Variants in SYNJ1 observed in about 807,000 individuals in gnomAD.
The protein encoded by SYNJ1 is synaptojanin 1.
In SYNJ1, 78 loss-of-function variants were observed where a neutral mutation model predicts 168.2. The observed-to-expected ratio is 0.46, with a 90% CI of 0.39 to 0.56. SYNJ1 has a LOEUF of 0.56. Among genes scored for constraint, SYNJ1 ranks in the 20% least tolerant of loss-of-function variants. The probability of loss-of-function intolerance (pLI) is 0.00; values close to 1 mark genes in which losing one functional copy is unlikely to be tolerated. For missense variants in SYNJ1, 1,303 were observed against 1,597.6 expected (o/e 0.82, Z 3.14); for synonymous variants, 539 against 548.6 (o/e 0.98, Z 0.24).
chr21:32,645,052 A>C, intron 25 of SYNJ1, 46 bp from the exon 26 acceptor site: 1 of 1,568,566 alleles, frequency 6.4e-7, no homozygotes, highest in South Asian at 1.2e-5. Context: ...AATGACATTA[A>C]ATACAGAAGT....
chr21:32,713,070 A>G (rs1457500083), intron 2 of SYNJ1, among the ~76,000 whole-genome samples: 3 of 152,270 alleles, frequency 2.0e-5, no homozygotes, highest in Non-Finnish European at 2.9e-5. Context: ...CATAAAATGG[A>G]CTACACTGCA....
chr21:32,633,743 G>A (rs974627630), intron 32 of SYNJ1, among the ~76,000 whole-genome samples: 1 of 152,184 alleles, frequency 6.6e-6, no homozygotes, highest in Non-Finnish European at 1.5e-5. Flanking sequence ...AAAAGGAAAT[G>A]GATGACTTAA....
At chr21:32,636,229 T>C (rs1253889363) in intron 31 of SYNJ1, among the ~76,000 whole-genome samples, 1 of 152,182 alleles carries the variant, frequency 6.6e-6, no homozygotes, top group East Asian at 1.9e-4. Context: ...TTACTTCCAG[T>C]TGCATTTCCT....
rs1337264225 is a variant in SYNJ1, at chr21:32,642,015, A to G, written c.3518-49T>C. The G allele has an allele frequency of 2.5e-6, 4 of 1,612,914 alleles. No individual in the cohort carries two copies. The South Asian group carries it at 4.4e-5, about 18-fold the overall frequency. On this transcript the variant is annotated intron_variant, in intron 28 of 32. Coordinates refer to ENST00000674351, the MANE Select transcript of SYNJ1 (RefSeq NM_203446.3). Reference sequence around the variant, plus strand: ...ATATTTAAGTTTAAAAAAATAAACAAGAAACCATGTACTTATATTCCAAGT... The same window carrying G: ...ATATTTAAGTTTAAAAAAATAAACAGGAAACCATGTACTTATATTCCAAGT...
At chr21:32,718,475 A>G (rs2043102732) in intron 2 of SYNJ1, among the ~76,000 whole-genome samples, 1 of 152,212 alleles carries the variant, frequency 6.6e-6, no homozygotes, top group Non-Finnish European at 1.5e-5. Context: ...GTATTTATAA[A>G]AAGAAAATGA....
chr21:32,682,697 C>G (rs928710413), intron 10 of SYNJ1, among the ~76,000 whole-genome samples: 10 of 152,040 alleles, frequency 6.6e-5, no homozygotes, highest in Admixed American at 5.9e-4. Context: ...AATTGCTATC[C>G]TAGGGAGTTT....
chr21:32,699,883 G>T lies in SYNJ1; in HGVS notation c.434C>A (p.Ala145Glu). Residue 145 changes from alanine (A) to glutamate (E), a missense_variant, in exon 4 of 33, where the codon GCG becomes GAG. By Grantham distance (107) the Ala-to-Glu change is moderately radical. Transcript: ENST00000674351. ...SGISLDLSLNAHRSMQEQTTD... is the reference protein window; with the variant it reads ...SGISLDLSLNEHRSMQEQTTD... ...TGTCTGTTCTTGCATGCTACGATGC[G>T]CATTAAGACTCAAATCTAAACTGAT... 6.2e-7 allele frequency: 1 copy of T among 1,614,060 alleles called. No individual in the cohort carries two copies. Among genetic ancestry groups the T allele is most frequent in the South Asian group, 1.1e-5 (1 of 91,078 alleles).
intron 22 of SYNJ1, among the ~76,000 whole-genome samples, chr21:32,652,362 G>A (rs1188952438): frequency 6.6e-6 from 1 of 152,032 alleles, no homozygotes; most frequent in Non-Finnish European, 1.5e-5. Context: ...CACCACGCCT[G>A]GCTACTTCTT....
Position 32,646,457 on chromosome 21 carries a change from T to C in SYNJ1, c.3183A>G (p.Val1061=). Residue 1061 remains valine, a synonymous_variant, in exon 24 of 33, where the codon GTA becomes GTG. Coordinates refer to ENST00000674351, the MANE Select transcript of SYNJ1 (RefSeq NM_203446.3). ...GGCTTGGTCTGATGGGAAGGGAAGG[T>C]ACAGGACCCTCTGATATTGTAGGTG... The part of the protein sequence containing the change: ...CQSPTISEGP[V]PSLPIRPSRA... The C allele has an allele frequency of 6.2e-7, 1 of 1,614,100 alleles. No homozygotes were observed. The highest frequency in any genetic ancestry group is 8.5e-7 in the Non-Finnish European group (1 of 1,180,022).
At chr21:32,697,536 T>C (rs1265256734) in intron 4 of SYNJ1, among the ~76,000 whole-genome samples, 2 of 150,096 alleles carry the variant, frequency 1.3e-5, no homozygotes, top group African/African-American at 4.9e-5. Flanking sequence ...CGGTGGCTCA[T>C]GCCTATAATC....
At chr21:32,663,585 C>A (rs1399000063) in intron 18 of SYNJ1, among the ~76,000 whole-genome samples, 2 of 152,124 alleles carry the variant, frequency 1.3e-5, no homozygotes, top group East Asian at 1.9e-4. Flanking sequence ...CAGGCAAACT[C>A]CTGGGTTTCC....
intron 6 of SYNJ1, among the ~76,000 whole-genome samples, chr21:32,691,628 ATAAG>A (rs1205548113): frequency 2.6e-5 from 4 of 152,256 alleles, no homozygotes; most frequent in African/African-American, 9.6e-5. Context: ...AAAGGAAATC[ATAAG>A]TAAGTTGCCA....
At chr21:32,681,364 G>T in intron 11 of SYNJ1, 132 bp downstream of exon 11, 2 of 1,030,012 alleles carry the variant, frequency 1.9e-6, no homozygotes, top group Non-Finnish European at 2.7e-6. Flanking sequence ...AGGCATAAAA[G>T]CACATTAAAC....
Position 32,684,131 on chromosome 21 carries a change from A to G in SYNJ1, c.1119-12T>C, listed in dbSNP as rs773270599. 10 of 1,611,678 alleles carry G rather than the reference A, an allele frequency of 6.2e-6. No homozygotes were observed. In the East Asian group the frequency reaches 1.8e-4, roughly 29 times the overall value. On this transcript the variant is annotated splice_polypyrimidine_tract_variant and intron_variant, in intron 9 of 32. Transcript: ENST00000674351. Reference sequence around the variant, plus strand: ...TACCACTCTGGCATCTGTAACCAATAAAGTTAAATATCCAGTTTGGAACAA... The same window carrying G: ...TACCACTCTGGCATCTGTAACCAATGAAGTTAAATATCCAGTTTGGAACAA...
Position 32,631,172 on chromosome 21 carries a change from G to A in SYNJ1, c.*633C>T, listed in dbSNP as rs2145655621. 1.2e-6 allele frequency: 2 copies of A among 1,614,182 alleles called. No individual in the cohort carries two copies. Among genetic ancestry groups the A allele is most frequent in the African/African-American group, 1.3e-5 (1 of 75,036 alleles). On this transcript the variant is annotated 3_prime_UTR_variant, in exon 33 of 33. Transcript: ENST00000674351. ...TATTCCAGTCATCATTCAATGTCAGGTTGGAGCCAGAAAATGAACTTGGCT... is the reference window on the plus strand; with the variant it reads ...TATTCCAGTCATCATTCAATGTCAGATTGGAGCCAGAAAATGAACTTGGCT...
intron 27 of SYNJ1, among the ~76,000 whole-genome samples, chr21:32,642,600 T>C (rs2039892209): frequency 6.6e-6 from 1 of 152,360 alleles, no homozygotes; most frequent in African/African-American, 2.4e-5. Context: ...ACGCTGTAGA[T>C]GTCACTGTGG....
At chr21:32,692,750 G>A (rs545225256) in intron 6 of SYNJ1, among the ~76,000 whole-genome samples, 42 of 152,170 alleles carry the variant, frequency 2.8e-4, no homozygotes, top group African/African-American at 9.9e-4. Flanking sequence ...CTGTAATTCA[G>A]AACTTATTAA....
intron 2 of SYNJ1, among the ~76,000 whole-genome samples, chr21:32,718,351 T>G (rs941195810): frequency 2.0e-5 from 3 of 152,212 alleles, no homozygotes; most frequent in Non-Finnish European, 4.4e-5. Context: ...AAAAGTTTGG[T>G]TGATTTTCTT....
At position 32,690,714 on chromosome 21, in the gene SYNJ1, G is replaced by A. The variant is rs138182901; in HGVS notation, c.790-2347C>T. 4.2e-3 allele frequency among the ~76,000 whole-genome samples: 636 copies of A among 152,164 alleles called. 5 individuals are homozygous for A. The Middle Eastern group carries it at 0.058, about 14-fold the overall frequency. Reference sequence around the variant, plus strand: ...GAGACCAGCGGATCACCTGAGGTCAGGAGTTTGAGACCGGCCTGACCAACA... The same window carrying A: ...GAGACCAGCGGATCACCTGAGGTCAAGAGTTTGAGACCGGCCTGACCAACA... On this transcript the variant is annotated intron_variant, in intron 6 of 32. Coordinates refer to ENST00000674351, the MANE Select transcript of SYNJ1 (RefSeq NM_203446.3).
Sources: gnomAD v4.1 joint callset for allele counts (sites outside exome capture counted in the v4.1 genomes callset) on GRCh38, gnomAD v4.1.1 for gene constraint, MANE v1.5 for transcripts, NCBI Gene and HGNC (gene_info 2026-07-23, HGNC 2026-07-21) for gene names.